The following FAM178B variants were observed in gnomAD, a reference collection of about 807,000 sequenced individuals.
The protein encoded by FAM178B is protein FAM178B.
Under a neutral mutation model 91.7 loss-of-function variants are expected in FAM178B, and 82 were observed. That is an observed-to-expected ratio of 0.89 (90% CI 0.75 to 1.07). The LOEUF (loss-of-function observed/expected upper bound fraction) is 1.07. FAM178B is among the 50% of genes least tolerant of loss of function. The pLI is 0.00. For synonymous variants in FAM178B, 368 were observed against 359.4 expected, an observed-to-expected ratio of 1.02 and a Z score of -0.27; for missense variants, 769 against 846.7, an observed-to-expected ratio of 0.91 and a Z score of 1.14.
intron 4 of FAM178B, among the ~76,000 whole-genome samples, chr2:96,969,316 G>C (rs886074853): frequency 1.3e-5 from 2 of 152,228 alleles, no homozygotes; most frequent in African/African-American, 4.8e-5. Flanking sequence ...TCATAGGACA[G>C]GCCCTGATCC....
chr2:96,956,467 C>T (rs965371413), intron 6 of FAM178B, among the ~76,000 whole-genome samples: 2 of 152,200 alleles, frequency 1.3e-5, no homozygotes, highest in Admixed American at 1.3e-4. Flanking sequence ...CACCCAAGCT[C>T]GCTCTGCAGT....
intron 14 of FAM178B, among the ~76,000 whole-genome samples, chr2:96,884,496 T>C (rs919470233): frequency 6.6e-6 from 1 of 152,166 alleles, no homozygotes; most frequent in African/African-American, 2.4e-5. Context: ...TCCACACAGG[T>C]TGGGCACAAC....
chr2:96,977,683 G>A (rs1011452771), intron 1 of FAM178B: 1 of 377,380 alleles, frequency 2.6e-6, no homozygotes, highest in Non-Finnish European at 5.3e-6. Flanking sequence ...TACAGCAAAG[G>A]CTGCACGCAA....
chr2:96,982,588 A>T (rs975004783), intron 1 of FAM178B, among the ~76,000 whole-genome samples: 1 of 151,462 alleles, frequency 6.6e-6, no homozygotes, highest in African/African-American at 2.4e-5. Context: ...TTTTTGTTAG[A>T]GACAGAGTCT....
intron 14 of FAM178B, among the ~76,000 whole-genome samples, chr2:96,882,273 C>A (rs1039398973): frequency 8.5e-5 from 13 of 152,244 alleles, no homozygotes; most frequent in Non-Finnish European, 4.4e-5. Context: ...CAGGAGCAGG[C>A]AGACCCTGAG....
chr2:96,878,465 A>G lies in FAM178B; in HGVS notation c.1805T>C (p.Met602Thr). 6.2e-7 allele frequency: 1 copy of G among 1,613,964 alleles called. No homozygotes were observed. The highest frequency in any genetic ancestry group is 8.5e-7 in the Non-Finnish European group (1 of 1,180,016). The change falls in exon 15 of 17, where the codon ATG (methionine) becomes ACG (threonine). Residue 602 changes from methionine to threonine, a missense_variant. By Grantham distance (81) the Met-to-Thr change is moderately conservative. Coordinates refer to ENST00000490605, the MANE Select transcript of FAM178B (RefSeq NM_001122646.3). ...GCAGCTAACAACTACCCCGGCCAGC[A>G]TCAGCAAGCTGTGGCACAGGTAGCA... Reference protein sequence around the residue: ...KACYLCHSLLMLAGVVVSCQD... With the variant: ...KACYLCHSLLTLAGVVVSCQD...
At chr2:96,905,860 ATTTTTTTTTTTT>A (rs1161397180) in intron 12 of FAM178B, among the ~76,000 whole-genome samples, 32 of 23,254 alleles carry the variant, frequency 1.4e-3, no homozygotes, top group South Asian at 2.4e-3. Context: ...ATATATATAT[ATTTTTTTTTTTT>A]TTTTTTTTTT....
chr2:96,983,847 A>G (rs1221798905), intron 1 of FAM178B, among the ~76,000 whole-genome samples: 1 of 152,266 alleles, frequency 6.6e-6, no homozygotes, highest in Non-Finnish European at 1.5e-5. Context: ...TAGTTCATGC[A>G]GCAGTTCAGT....
chr2:96,924,754 C>A (rs2081406721), intron 9 of FAM178B, among the ~76,000 whole-genome samples: 1 of 152,214 alleles, frequency 6.6e-6, no homozygotes, highest in African/African-American at 2.4e-5. Flanking sequence ...TAAGAAACGG[C>A]TTAAGGTTCC....
At chr2:96,888,441 G>T (rs1374246999) in intron 14 of FAM178B, among the ~76,000 whole-genome samples, 3 of 152,246 alleles carry the variant, frequency 2.0e-5, no homozygotes. Flanking sequence ...CAGGGGGACA[G>T]AGGGTAAGTG....
Position 96,923,538 on chromosome 2 carries a change from G to C in FAM178B, c.1239C>G (p.Asp413Glu). The C allele has an allele frequency of 6.4e-7, 1 of 1,551,662 alleles. No homozygotes were observed. The change falls in exon 10 of 17, where the codon GAC (aspartate) becomes GAG (glutamate). Residue 413 changes from aspartate (D) to glutamate (E), a missense_variant. Physicochemically the swap from Asp to Glu is conservative, Grantham distance 45. Transcript: ENST00000490605. ...TGTCCAAGGCAATCTCTTGGGGAGC[G>C]TCCTGCTCCTCATTCTCATTCAGGC... ...EAGLNENEEQ[D>E]APQEIALDIS...
intron 8 of FAM178B, among the ~76,000 whole-genome samples, chr2:96,934,014 C>A (rs1215674590): frequency 1.3e-5 from 2 of 152,232 alleles, no homozygotes; most frequent in African/African-American, 4.8e-5. Flanking sequence ...ATATTGCCAG[C>A]TTTAGTCAAT....
chr2:96,927,038 C>T (rs2081452424), intron 9 of FAM178B, among the ~76,000 whole-genome samples: 1 of 152,208 alleles, frequency 6.6e-6, no homozygotes, highest in Non-Finnish European at 1.5e-5. Context: ...GGTGAGGAGC[C>T]AGGACGAGAA....
At chr2:96,921,299 C>T in intron 11 of FAM178B, 37 bp from the exon 12 acceptor site, 3 of 1,539,702 alleles carry the variant, frequency 1.9e-6, no homozygotes, top group Non-Finnish European at 2.6e-6. Flanking sequence ...TACAGGAGGA[C>T]ACCGCCTTCC....
intron 3 of FAM178B, among the ~76,000 whole-genome samples, chr2:96,971,246 TCTCC>T (rs955638286): frequency 2.6e-5 from 3 of 115,520 alleles, no homozygotes; most frequent in Admixed American, 9.3e-5. Context: ...CCTCCTCTCC[TCTCC>T]CTCCCTCCCT....
intron 14 of FAM178B, among the ~76,000 whole-genome samples, chr2:96,884,561 C>A (rs938243659): frequency 4.6e-5 from 7 of 152,204 alleles, no homozygotes; most frequent in Admixed American, 4.6e-4. Context: ...AGGCCAAGAG[C>A]CTCAGTCTGG....
chr2:96,960,536 G>A, intron 5 of FAM178B, 96 bp from the exon 6 acceptor site: 1 of 1,386,750 alleles, frequency 7.2e-7, no homozygotes, highest in East Asian at 2.6e-5. Flanking sequence ...GGGGGCCACG[G>A]GCTCCCTGCC....
At chr2:96,885,627 G>A (rs1341375783) in intron 14 of FAM178B, among the ~76,000 whole-genome samples, 1 of 152,218 alleles carries the variant, frequency 6.6e-6, no homozygotes, top group Non-Finnish European at 1.5e-5. Context: ...CTGGTGGCAG[G>A]AGCCAAGGCA....
At chr2:96,960,653 C>G (rs1394400791) in intron 5 of FAM178B, among the ~76,000 whole-genome samples, 1 of 152,244 alleles carries the variant, frequency 6.6e-6, no homozygotes, top group African/African-American at 2.4e-5. Context: ...AGGCCTATCC[C>G]TTGCTCAGGG....
Sources: allele counts gnomAD v4.1 joint callset (sites outside exome capture counted in the v4.1 genomes callset), GRCh38; gene constraint gnomAD v4.1.1; transcripts MANE v1.5; gene names NCBI Gene and HGNC (gene_info 2026-07-23, HGNC 2026-07-21).